Variants in TBC1D22A observed in about 807,000 individuals in gnomAD.
TBC1D22A encodes the protein putative GTPase activator.
A neutral mutation model predicts 60.2 loss-of-function variants in TBC1D22A; 38 were observed. The observed-to-expected ratio is 0.63, with a 90% CI of 0.49 to 0.83. The LOEUF (loss-of-function observed/expected upper bound fraction) is 0.83. Among genes scored for constraint, TBC1D22A ranks in the 40% least tolerant of loss-of-function variants. The probability of loss-of-function intolerance (pLI) is 0.00; values close to 1 mark genes in which losing one functional copy is unlikely to be tolerated. For missense variants in TBC1D22A, 628 were observed against 701.0 expected (o/e 0.90, Z 1.18); for synonymous variants, 302 against 281.7 (o/e 1.07, Z -0.72).
At chr22:46,987,110 G>A (rs1247779936) in intron 9 of TBC1D22A, among the ~76,000 whole-genome samples, 1 of 152,188 alleles carries the variant, frequency 6.6e-6, no homozygotes, top group East Asian at 1.9e-4. Context: ...CTCAAACAAG[G>A]TGGAAGCTGC....
intron 8 of TBC1D22A, among the ~76,000 whole-genome samples, chr22:46,951,575 G>C (rs1028453867): frequency 6.6e-6 from 1 of 152,198 alleles, no homozygotes; most frequent in African/African-American, 2.4e-5. Context: ...CACTGCAGCC[G>C]GCGCCATCTT....
intron 10 of TBC1D22A, among the ~76,000 whole-genome samples, chr22:47,013,645 A>T (rs2061821107): frequency 6.6e-6 from 1 of 152,194 alleles, no homozygotes; most frequent in South Asian, 2.1e-4. Context: ...TTTCCGGGCC[A>T]GGGCTTGCTG....
intron 11 of TBC1D22A, among the ~76,000 whole-genome samples, chr22:47,048,322 G>A (rs1213962740): frequency 2.0e-5 from 3 of 152,198 alleles, no homozygotes; most frequent in African/African-American, 7.2e-5. Context: ...GTTGCTGTCA[G>A]GTAGGGAAAG....
intron 5 of TBC1D22A, among the ~76,000 whole-genome samples, chr22:46,888,429 G>C (rs1042980520): frequency 1.3e-5 from 2 of 152,236 alleles, no homozygotes; most frequent in Non-Finnish European, 2.9e-5. Context: ...CATCCGGGAT[G>C]TATTTGTTCA....
chr22:47,040,302 C>T (rs535781071), intron 11 of TBC1D22A, among the ~76,000 whole-genome samples: 17 of 152,204 alleles, frequency 1.1e-4, no homozygotes, highest in Middle Eastern at 3.4e-3. Context: ...AGCATGAGAA[C>T]GGCGTGGAGA....
chr22:47,045,586 C>A (rs1216389533), intron 11 of TBC1D22A, among the ~76,000 whole-genome samples: 1 of 152,188 alleles, frequency 6.6e-6, no homozygotes, highest in East Asian at 1.9e-4. Flanking sequence ...TAAAAACATG[C>A]AGCAGAACGG....
At chr22:46,911,518 C>A (rs781490637) in intron 7 of TBC1D22A, among the ~76,000 whole-genome samples, 5 of 152,178 alleles carry the variant, frequency 3.3e-5, no homozygotes, top group Admixed American at 6.5e-5. Context: ...AGGAGCAGAG[C>A]GCTTCTGCTG....
chr22:47,099,360 G>A (rs1039663148), intron 11 of TBC1D22A, among the ~76,000 whole-genome samples: 9 of 152,292 alleles, frequency 5.9e-5, no homozygotes, highest in African/African-American at 1.7e-4. Flanking sequence ...TTTAGGGGCG[G>A]TCAAGAATGG....
chr22:47,051,892 C>T (rs2063234983), intron 11 of TBC1D22A, among the ~76,000 whole-genome samples: 1 of 152,252 alleles, frequency 6.6e-6, no homozygotes, highest in Non-Finnish European at 1.5e-5. Context: ...GTTCCAGAAT[C>T]TTACCCTGAA....
At chr22:46,938,391 C>G (rs979056976) in intron 8 of TBC1D22A, among the ~76,000 whole-genome samples, 1 of 152,178 alleles carries the variant, frequency 6.6e-6, no homozygotes, top group African/African-American at 2.4e-5. Context: ...AGGCTTCGCT[C>G]TAGGTGTGTG....
rs576830997 is a variant in TBC1D22A at position 46,998,234 on chromosome 22, C to A, written c.1201+525C>A. On this transcript the variant is annotated intron_variant, in intron 10 of 12. Coordinates refer to ENST00000337137, the MANE Select transcript of TBC1D22A (RefSeq NM_014346.5). ...TTTTTGCCTTCATCTTTAAAATAAT[C>A]CCCCCTGCGATGTGCTGACTGTCAT... Among the ~76,000 whole-genome samples the A allele has an allele frequency of 2.0e-5, 3 of 152,102 alleles. No homozygotes were observed. The East Asian group carries it at 5.8e-4, about 29-fold the overall frequency.
At chr22:47,088,083 T>TAAA (rs1569433175) in intron 11 of TBC1D22A, among the ~76,000 whole-genome samples, 1 of 115,488 alleles carries the variant, frequency 8.7e-6, no homozygotes, top group Admixed American at 1.0e-4. Context: ...AAATAAAAAA[T>TAAA]AATAATAATA....
intron 8 of TBC1D22A, among the ~76,000 whole-genome samples, chr22:46,927,288 A>G (rs1385862075): frequency 2.0e-5 from 3 of 152,368 alleles, no homozygotes; most frequent in African/African-American, 7.2e-5. Flanking sequence ...GAATGCTGGG[A>G]TGGTTCAACA....
chr22:46,924,094 T>C (rs978631526), intron 8 of TBC1D22A, among the ~76,000 whole-genome samples: 2 of 152,236 alleles, frequency 1.3e-5, no homozygotes, highest in African/African-American at 4.8e-5. Flanking sequence ...GTATTTTAGC[T>C]TAAACATTTT....
chr22:47,053,180 C>T lies in TBC1D22A; in HGVS notation c.1329+15982C>T, dbSNP rs148925243. Among the ~76,000 whole-genome samples, 1,347 of 152,154 alleles carry T rather than the reference C, an allele frequency of 8.9e-3. 23 individuals carry two copies. The highest frequency in any genetic ancestry group is 0.031 in the African/African-American group (1,285 of 41,498). On this transcript the variant is annotated intron_variant, in intron 11 of 12. Coordinates refer to ENST00000337137, the MANE Select transcript of TBC1D22A (RefSeq NM_014346.5). ...CCTGCCCACCACCAGCCCAGGGCCTCACTGCTTCCTGCGTGTCCCCTCCGG... is the reference window on the plus strand; with the variant it reads ...CCTGCCCACCACCAGCCCAGGGCCTTACTGCTTCCTGCGTGTCCCCTCCGG...
intron 11 of TBC1D22A, among the ~76,000 whole-genome samples, chr22:47,043,002 C>G (rs1367857467): frequency 6.6e-6 from 1 of 152,230 alleles, no homozygotes; most frequent in Non-Finnish European, 1.5e-5. Flanking sequence ...CCCCGAATCA[C>G]TCAGCCCACG....
chr22:46,917,574 G>GGGATGGGGTTCTGATTTA, intron 8 of TBC1D22A, among the ~76,000 whole-genome samples: 1 of 152,178 alleles, frequency 6.6e-6, no homozygotes, highest in Non-Finnish European at 1.5e-5. Context: ...TTGAGGAGGC[G>GGGATGGGGTTCTGATTTA]GGATGGGGTT....
At chr22:46,847,200 A>C (rs1569124322) in intron 4 of TBC1D22A, among the ~76,000 whole-genome samples, 1 of 152,194 alleles carries the variant, frequency 6.6e-6, no homozygotes, top group East Asian at 1.9e-4. Context: ...GTTTTGTGCC[A>C]TTAGTTTGAC....
Position 47,030,914 on chromosome 22 carries a change from G to C in TBC1D22A, c.1202-6157G>C, listed in dbSNP as rs528344353. On this transcript the variant is annotated intron_variant, in intron 10 of 12. Transcript: ENST00000337137. ...CCCGCTGGGGATGCACGTCCCGGCG[G>C]GGTGAGGCCCTGGCTGGCCACGCCC... Among the ~76,000 whole-genome samples, 10 of 152,362 alleles carry C rather than the reference G, an allele frequency of 6.6e-5. No homozygotes were observed. The East Asian group carries it at 1.9e-3, about 29-fold the overall frequency.
Sources: allele counts gnomAD v4.1 joint callset (sites outside exome capture counted in the v4.1 genomes callset), GRCh38; gene constraint gnomAD v4.1.1; transcripts MANE v1.5; gene names NCBI Gene and HGNC (gene_info 2026-07-23, HGNC 2026-07-21).